The following PCDH9 variants were observed in gnomAD, a reference collection of about 807,000 sequenced individuals.
PCDH9 encodes protocadherin-9.
A neutral mutation model predicts 70.6 loss-of-function variants in PCDH9; 24 were observed. That is an observed-to-expected ratio of 0.34 (90% CI 0.25 to 0.48). The LOEUF (loss-of-function observed/expected upper bound fraction) is 0.48. Among genes scored for constraint, PCDH9 ranks in the 20% least tolerant of loss-of-function variants. The pLI, the probability that PCDH9 is intolerant of heterozygous loss-of-function variation, is 0.99. For missense variants in PCDH9, 1,281 were observed against 1,503.6 expected (o/e 0.85, Z 2.45); for synonymous variants, 562 against 558.5 (o/e 1.01, Z -0.09).
intron 4 of PCDH9, among the ~76,000 whole-genome samples, chr13:66,579,218 ATTTTGCAGTAGTCAT>A (rs1194076487): frequency 6.6e-6 from 1 of 152,092 alleles, no homozygotes; most frequent in Non-Finnish European, 1.5e-5. Flanking sequence ...TATTAGTTTT[ATTTTGCAGTAGTCAT>A]TAGCTACAAC....
chr13:66,699,076 G>C (rs1016197097), intron 3 of PCDH9, among the ~76,000 whole-genome samples: 1 of 151,452 alleles, frequency 6.6e-6, no homozygotes, highest in Non-Finnish European at 1.5e-5. Context: ...CATCATGTCC[G>C]GCTAATTTTT....
chr13:66,559,833 T>TATACACACACAC (rs777316241), intron 4 of PCDH9, among the ~76,000 whole-genome samples: 1 of 87,120 alleles, frequency 1.1e-5, no homozygotes, highest in Non-Finnish European at 2.1e-5. Flanking sequence ...TATATATATA[T>TATACACACACAC]ACACACACAC....
chr13:67,182,455 G>C (rs2088642600), intron 2 of PCDH9, among the ~76,000 whole-genome samples: 1 of 151,704 alleles, frequency 6.6e-6, no homozygotes, highest in Non-Finnish European at 1.5e-5. Context: ...CTATATCTTA[G>C]TCCAAACTAT....
At chr13:66,385,430 C>A (rs1013889181) in intron 4 of PCDH9, among the ~76,000 whole-genome samples, 4 of 152,006 alleles carry the variant, frequency 2.6e-5, no homozygotes, top group African/African-American at 7.2e-5. Context: ...TTTCTCATGC[C>A]TCCGTCTAGC....
chr13:67,158,423 A>G (rs1566462996), intron 2 of PCDH9, among the ~76,000 whole-genome samples: 1 of 152,162 alleles, frequency 6.6e-6, no homozygotes, highest in Non-Finnish European at 1.5e-5. Flanking sequence ...GTTTTCCCAG[A>G]ATTTGTTTGT....
intron 2 of PCDH9, among the ~76,000 whole-genome samples, chr13:67,192,453 C>T (rs115833834): frequency 0.01 from 1,534 of 152,256 alleles, 37 homozygotes; most frequent in African/African-American, 0.035. Context: ...CACTTTTTGG[C>T]TGCATATATA....
chr13:66,362,049 C>T (rs1956479707), intron 4 of PCDH9, among the ~76,000 whole-genome samples: 1 of 152,082 alleles, frequency 6.6e-6, no homozygotes, highest in Non-Finnish European at 1.5e-5. Flanking sequence ...GTTTTGGATT[C>T]ATCTTCTTAC....
chr13:66,513,852 T>A (rs992818850), intron 4 of PCDH9, among the ~76,000 whole-genome samples: 3 of 152,110 alleles, frequency 2.0e-5, no homozygotes, highest in African/African-American at 7.2e-5. Context: ...TTTTTTCTCT[T>A]ACTCCCTTTT....
Position 66,343,105 on chromosome 13 carries a change from A to G in PCDH9, c.3341-38077T>C, listed in dbSNP as rs59448950. Among the ~76,000 whole-genome samples the G allele has an allele frequency of 1.4e-3, 215 of 152,292 alleles. 2 individuals carry two copies. The East Asian group carries it at 0.027, about 19-fold the overall frequency. On this transcript the variant is annotated intron_variant, in intron 4 of 4. Transcript: ENST00000377865. ...GTAATTGCTGTAGCTGGGGACATAT[A>G]TTTAATTCCATCAATAAAAATAATA...
chr13:66,635,526 C>G (rs949330820), intron 3 of PCDH9, among the ~76,000 whole-genome samples: 10 of 152,058 alleles, frequency 6.6e-5, no homozygotes, highest in Non-Finnish European at 2.9e-5. Flanking sequence ...AGGTGACACA[C>G]TGGTTGGGTT....
chr13:67,044,814 GAGAAAATGAATGAAATGGGA>G (rs2085191168), intron 2 of PCDH9, among the ~76,000 whole-genome samples: 1 of 152,106 alleles, frequency 6.6e-6, no homozygotes, highest in Admixed American at 6.6e-5. Flanking sequence ...CAGCAGGGGA[GAGAAAATGAATGAAATGGGA>G]AGGAGTAGAG....
intron 4 of PCDH9, among the ~76,000 whole-genome samples, chr13:66,479,946 G>A (rs1958807554): frequency 6.6e-6 from 1 of 152,168 alleles, no homozygotes; most frequent in Admixed American, 6.5e-5. Flanking sequence ...CCTTTCCATG[G>A]TGTGGAAGCT....
rs553561543 is a variant in PCDH9 at position 67,108,893 on chromosome 13, A to G, written c.3036+116512T>C. On this transcript the variant is annotated intron_variant, in intron 2 of 4. Transcript: ENST00000377865. Reference sequence around the variant, plus strand: ...TGTAATATGGGCCCATAGAGCAAAAACTATTAATTAGGCCACCAAAATATT... The same window carrying G: ...TGTAATATGGGCCCATAGAGCAAAAGCTATTAATTAGGCCACCAAAATATT... Among the ~76,000 whole-genome samples the G allele has an allele frequency of 4.6e-5, 7 of 152,260 alleles. No homozygotes were observed. In the East Asian group the frequency reaches 1.2e-3, roughly 25 times the overall value.
At chr13:67,082,679 T>A (rs1265242170) in intron 2 of PCDH9, among the ~76,000 whole-genome samples, 1 of 152,212 alleles carries the variant, frequency 6.6e-6, no homozygotes, top group South Asian at 2.1e-4. Context: ...CTTTATATTA[T>A]GTTATCCCTC....
intron 3 of PCDH9, among the ~76,000 whole-genome samples, chr13:66,686,416 C>T (rs1464647646): frequency 3.3e-5 from 5 of 152,142 alleles, no homozygotes; most frequent in African/African-American, 4.8e-5. Flanking sequence ...GTCAATTAAA[C>T]CTCTTTCCAT....
chr13:66,446,110 G>A (rs1958084262), intron 4 of PCDH9, among the ~76,000 whole-genome samples: 2 of 151,854 alleles, frequency 1.3e-5, no homozygotes, highest in Admixed American at 1.3e-4. Context: ...AAATAATCAG[G>A]GTTTATATGT....
At chr13:66,921,096 T>C (rs2082630376) in intron 2 of PCDH9, among the ~76,000 whole-genome samples, 1 of 151,112 alleles carries the variant, frequency 6.6e-6, no homozygotes, top group South Asian at 2.1e-4. Context: ...CTTAACCTCA[T>C]AGAAGTTCTT....
chr13:66,738,487 A>C (rs2079195383), intron 3 of PCDH9, among the ~76,000 whole-genome samples: 1 of 146,644 alleles, frequency 6.8e-6, no homozygotes, highest in South Asian at 2.3e-4. Flanking sequence ...ACAAAGCTGG[A>C]TGGAGAATGA....
intron 4 of PCDH9, among the ~76,000 whole-genome samples, chr13:66,562,399 C>A (rs4386018): frequency 5.3e-5 from 8 of 152,180 alleles, no homozygotes; most frequent in South Asian, 4.2e-4. Flanking sequence ...GTTCTCAAGC[C>A]GCTAATAAAG....
Sources: allele counts gnomAD v4.1 joint callset (sites outside exome capture counted in the v4.1 genomes callset), GRCh38; gene constraint gnomAD v4.1.1; transcripts MANE v1.5; gene names NCBI Gene and HGNC (gene_info 2026-07-23, HGNC 2026-07-21).